The following NREP variants were observed in gnomAD, a reference collection of about 807,000 sequenced individuals.
NREP encodes the protein neuronal regeneration related protein, also known as neuronal regeneration-related protein.
Under a neutral mutation model 8.6 loss-of-function variants are expected in NREP, and 5 were observed. That is an observed-to-expected ratio of 0.58 (90% CI 0.30 to 1.22). NREP has a LOEUF of 1.22. Among genes scored for constraint, NREP ranks in the 50% most tolerant of loss-of-function variants. The probability of loss-of-function intolerance (pLI) is 0.07; values close to 1 mark genes in which losing one functional copy is unlikely to be tolerated. For missense variants in NREP, 86 were observed against 82.5 expected, an observed-to-expected ratio of 1.04 and a Z score of -0.17; for synonymous variants, 27 against 28.0, an observed-to-expected ratio of 0.96 and a Z score of 0.11.
At chr5:111,895,738 C>A (rs994769468) in intron 2 of NREP, among the ~76,000 whole-genome samples, 3 of 152,102 alleles carry the variant, frequency 2.0e-5, no homozygotes, top group African/African-American at 7.2e-5. Context: ...TTAGCCTCTA[C>A]CCAATGAATG....
intron 2 of NREP, among the ~76,000 whole-genome samples, chr5:111,835,378 C>G (rs1029160914): frequency 1.3e-5 from 2 of 151,968 alleles, no homozygotes; most frequent in African/African-American, 4.8e-5. Context: ...TTATACCTGC[C>G]CACAAGGATC....
At chr5:111,800,316 G>C (rs1751974846) in intron 2 of NREP, among the ~76,000 whole-genome samples, 1 of 152,202 alleles carries the variant, frequency 6.6e-6, no homozygotes, top group Non-Finnish European at 1.5e-5. Context: ...CAGGGCCAAA[G>C]GTTCAGAGAG....
At chr5:111,924,450 T>C (rs898936591) in intron 2 of NREP, among the ~76,000 whole-genome samples, 185 of 126,338 alleles carry the variant, frequency 1.5e-3, no homozygotes, top group Non-Finnish European at 2.9e-3. Flanking sequence ...CAGGGTGTAG[T>C]GGTATGAGAA....
chr5:111,962,353 C>T (rs1014633555), intron 2 of NREP, among the ~76,000 whole-genome samples: 1 of 151,904 alleles, frequency 6.6e-6, no homozygotes, highest in Non-Finnish European at 1.5e-5. Flanking sequence ...GCACAAAGAG[C>T]ACCCCTGGCA....
chr5:111,965,427 C>G (rs1044775156), intron 2 of NREP, among the ~76,000 whole-genome samples: 5 of 152,108 alleles, frequency 3.3e-5, no homozygotes, highest in African/African-American at 1.2e-4. Context: ...CTTTTGCTGT[C>G]ATTAAATATG....
intron 2 of NREP, among the ~76,000 whole-genome samples, chr5:111,836,602 A>T (rs1192267610): frequency 2.0e-5 from 3 of 152,076 alleles, no homozygotes; most frequent in Non-Finnish European, 4.4e-5. Context: ...TAAAGTAGAC[A>T]TGTGACAAAT....
At chr5:111,847,190 A>G (rs969150053) in intron 2 of NREP, among the ~76,000 whole-genome samples, 1 of 151,960 alleles carries the variant, frequency 6.6e-6, no homozygotes. Context: ...TAAACAGCAA[A>G]TGTTTATTTC....
At chr5:111,810,337 C>T (rs901821858) in intron 2 of NREP, among the ~76,000 whole-genome samples, 5 of 152,108 alleles carry the variant, frequency 3.3e-5, no homozygotes, top group African/African-American at 7.2e-5. Flanking sequence ...ATGAGATAAC[C>T]GGCTCACCAG....
chr5:111,735,011 AAC>A (rs1278136066), intron 3 of NREP: 30 of 368,624 alleles, frequency 8.1e-5, no homozygotes, highest in Admixed American at 8.7e-5. Flanking sequence ...AAAGAAATGT[AAC>A]AGTTTTTTTG....
intron 2 of NREP, among the ~76,000 whole-genome samples, chr5:111,856,876 G>C (rs1753438781): frequency 6.6e-6 from 1 of 152,106 alleles, no homozygotes; most frequent in Non-Finnish European, 1.5e-5. Context: ...TTGGCGGCTG[G>C]TTGAGTAGTC....
intron 2 of NREP, among the ~76,000 whole-genome samples, chr5:111,910,791 C>T (rs1754891618): frequency 6.6e-6 from 1 of 152,028 alleles, no homozygotes; most frequent in Non-Finnish European, 1.5e-5. Flanking sequence ...ATCTTGGTCA[C>T]AGCCAGAAGC....
chr5:111,882,983 C>T (rs2112518553), intron 2 of NREP, among the ~76,000 whole-genome samples: 1 of 152,304 alleles, frequency 6.6e-6, no homozygotes, highest in South Asian at 2.1e-4. Context: ...ACAATATTAA[C>T]TTTAAATGTA....
chr5:111,827,487 A>C (rs1404029924), intron 2 of NREP, among the ~76,000 whole-genome samples: 1 of 152,216 alleles, frequency 6.6e-6, no homozygotes, highest in African/African-American at 2.4e-5. Flanking sequence ...CTCCAAGGTT[A>C]TGAGGTCATC....
chr5:111,883,970 T>G (rs375791589), intron 2 of NREP, among the ~76,000 whole-genome samples: 30 of 151,602 alleles, frequency 2.0e-4, no homozygotes, highest in African/African-American at 4.6e-4. Flanking sequence ...AAATAACTAA[T>G]ATCAGAGCAG....
intron 2 of NREP, among the ~76,000 whole-genome samples, chr5:111,964,045 T>A (rs2112658119): frequency 6.6e-6 from 1 of 152,338 alleles, no homozygotes; most frequent in Admixed American, 6.5e-5. Context: ...ATATTGTTAG[T>A]CCCAGGGAAA....
intron 2 of NREP, among the ~76,000 whole-genome samples, chr5:111,877,504 C>G (rs1008000205): frequency 6.6e-6 from 1 of 152,184 alleles, no homozygotes; most frequent in Non-Finnish European, 1.5e-5. Flanking sequence ...AAGCAACTGA[C>G]AGCAGGGAGA....
chr5:111,954,473 A>T (rs1756254258), intron 2 of NREP, among the ~76,000 whole-genome samples: 1 of 152,150 alleles, frequency 6.6e-6, no homozygotes. Flanking sequence ...AGCTCCAAAA[A>T]TTGTTAAAGA....
intron 2 of NREP, among the ~76,000 whole-genome samples, chr5:111,767,294 G>A (rs560153616): frequency 2.7e-5 from 4 of 149,382 alleles, no homozygotes; most frequent in Admixed American, 6.7e-5. Context: ...ACTCCTCCCC[G>A]CCAAAAAAAA....
rs1220197990 is a variant in NREP at position 111,947,610 on chromosome 5, A to T, written c.135+27664T>A. On this transcript the variant is annotated intron_variant, in intron 2 of 3. Transcript: ENST00000395634. Reference sequence around the variant, plus strand: ...AGGTAATGTAATCTGTTCTTTACAGACACAAAAACTAAATTAGAAAGAGAA... The same window carrying T: ...AGGTAATGTAATCTGTTCTTTACAGTCACAAAAACTAAATTAGAAAGAGAA... 2.0e-5 allele frequency among the ~76,000 whole-genome samples: 3 copies of T among 152,156 alleles called. No individual in the cohort carries two copies. In the East Asian group the frequency reaches 5.8e-4, roughly 30 times the overall value.
Sources: gnomAD v4.1 joint callset for allele counts (sites outside exome capture counted in the v4.1 genomes callset) on GRCh38, gnomAD v4.1.1 for gene constraint, MANE v1.5 for transcripts, NCBI Gene and HGNC (gene_info 2026-07-23, HGNC 2026-07-21) for gene names.